ZNF420: variants seen among roughly 807,000 people sequenced by gnomAD.
ZNF420 encodes the protein ATM and p53-associated KZNF protein.
ZNF420 carries 31 observed loss-of-function variants against 44.7 expected under a neutral mutation model. The observed-to-expected ratio is 0.69, with a 90% confidence interval of 0.52 to 0.94. ZNF420 has a LOEUF of 0.94. Among genes scored for constraint, ZNF420 ranks in the 40% least tolerant of loss-of-function variants. ZNF420 has a pLI of 0.00. For missense variants in ZNF420, 681 were observed against 827.9 expected, an observed-to-expected ratio of 0.82 and a Z score of 2.18; for synonymous variants, 245 against 267.4, an observed-to-expected ratio of 0.92 and a Z score of 0.82.
chr19:37,074,741 TATA>T (rs1332517190), upstream of ZNF420, among the ~76,000 whole-genome samples: 2 of 152,160 alleles, frequency 1.3e-5, no homozygotes, highest in Non-Finnish European at 2.9e-5. Flanking sequence ...TGGTGAAATA[TATA>T]ATATCTGCAG....
At chr19:37,058,355 G>C (rs1047788935) in intron 1 of ZNF420, among the ~76,000 whole-genome samples, 1 of 152,078 alleles carries the variant, frequency 6.6e-6, no homozygotes, top group African/African-American at 2.4e-5. Flanking sequence ...TGGCCTTGGC[G>C]TCTAGGAAAG....
chr19:37,036,869 A>G (rs1967364529), intron 1 of ZNF420, among the ~76,000 whole-genome samples: 1 of 152,246 alleles, frequency 6.6e-6, no homozygotes, highest in Non-Finnish European at 1.5e-5. Flanking sequence ...AATATGTTCT[A>G]TTCATCTACT....
At chr19:37,024,655 G>A (rs1266689321) in intron 1 of ZNF420, among the ~76,000 whole-genome samples, 1 of 152,056 alleles carries the variant, frequency 6.6e-6, no homozygotes, top group East Asian at 1.9e-4. Flanking sequence ...TCACTATGTT[G>A]GCTAGGCTGG....
chr19:37,043,716 G>A (rs1293416087), intron 1 of ZNF420, among the ~76,000 whole-genome samples: 1 of 152,052 alleles, frequency 6.6e-6, no homozygotes, highest in Non-Finnish European at 1.5e-5. Flanking sequence ...CAGGTGATCC[G>A]CTGGCCTCAA....
Position 37,119,167 on chromosome 19 carries a change from A to AT in ZNF420, c.137-7953dup, listed in dbSNP as rs534716695. Among the ~76,000 whole-genome samples the AT allele has an allele frequency of 3.6e-3, 537 of 151,094 alleles. 4 individuals carry two copies. Among genetic ancestry groups the AT allele is most frequent in the Middle Eastern group, 0.02 (6 of 294 alleles). On this transcript the variant is annotated intron_variant, in intron 4 of 4. Transcript: ENST00000337995. ...TCCACCCCAAATCAACAGAATATAC[A>AT]TTTTTTTTCAGCACCACACCACACC... is the stretch of plus-strand genomic sequence containing the variant.
chr19:37,058,692 T>C (rs1259512316), intron 1 of ZNF420, among the ~76,000 whole-genome samples: 1 of 151,528 alleles, frequency 6.6e-6, no homozygotes, highest in East Asian at 1.9e-4. Context: ...GTCATCTGTG[T>C]CCCCCCGCAT....
At chr19:37,106,498 G>A (rs1970092822) in intron 4 of ZNF420, among the ~76,000 whole-genome samples, 1 of 152,082 alleles carries the variant, frequency 6.6e-6, no homozygotes, top group African/African-American at 2.4e-5. Flanking sequence ...CTATTATTGT[G>A]AAGATTACCA....
chr19:37,123,569 C>G lies in ZNF420; in HGVS notation c.137-3559C>G, dbSNP rs1020398602. On this transcript the variant is annotated intron_variant, in intron 4 of 4. Transcript: ENST00000337995. ...CTGGCTCTCAGCTCTCACTTCATTG[C>G]TTGACTTCTTTATTTTCTTTTACTC... Among the ~76,000 whole-genome samples the G allele has an allele frequency of 2.3e-4, 32 of 141,924 alleles. No individual in the cohort carries two copies. In the Middle Eastern group the frequency reaches 0.014, roughly 64 times the overall value. The allele number at this position is 141,924 out of a possible 152,430, so 93.1% of individuals were successfully genotyped here. A position where few individuals can be genotyped will look rare whatever the true frequency, so the allele number is the denominator to read the frequency against.
At chr19:37,036,305 C>T (rs1967353722) in intron 1 of ZNF420, among the ~76,000 whole-genome samples, 1 of 152,154 alleles carries the variant, frequency 6.6e-6, no homozygotes, top group South Asian at 2.1e-4. Flanking sequence ...CTGATTTGAT[C>T]ACTACATATT....
rs1971462137 is a variant in ZNF420 at position 37,128,159 on chromosome 19, C to T, written c.1168C>T (p.Pro390Ser). The change falls in exon 5 of 5, where the codon CCC (proline) becomes TCC (serine). Residue 390 changes from proline to serine, a missense_variant. Around this residue, in one of 3 missense-constraint regions of ZNF420, gnomAD observed 51 missense variants for 106.8 expected, o/e 0.48. Transcript: ENST00000337995. ...QHQRIHTNEK[P>S]YECKECGKMF... ...CCAGAGAATTCACACCAATGAAAAG[C>T]CCTATGAATGTAAGGAATGTGGAAA... 6.2e-7 allele frequency: 1 copy of T among 1,613,904 alleles called. No homozygotes were observed. Among genetic ancestry groups the T allele is most frequent in the African/African-American group, 1.3e-5 (1 of 74,860 alleles).
chr19:37,011,425 T>C (rs1016949215), intron 1 of ZNF420, among the ~76,000 whole-genome samples: 4 of 152,182 alleles, frequency 2.6e-5, no homozygotes, highest in African/African-American at 9.7e-5. Flanking sequence ...CATCCTCTTC[T>C]GAGCTCCTGG....
chr19:37,112,147 T>C (rs1970414533), intron 4 of ZNF420, among the ~76,000 whole-genome samples: 1 of 152,092 alleles, frequency 6.6e-6, no homozygotes, highest in Admixed American at 6.5e-5. Flanking sequence ...GGATCTACAG[T>C]GGCCGCCCCT....
intron 2 of ZNF420, among the ~76,000 whole-genome samples, chr19:37,086,650 A>G (rs1211806911): frequency 6.6e-6 from 1 of 152,058 alleles, no homozygotes; most frequent in African/African-American, 2.4e-5. Context: ...TGCTTCACAC[A>G]TTTTGAAGCT....
intron 1 of ZNF420, among the ~76,000 whole-genome samples, chr19:37,068,641 AAAATAAAT>A (rs574606007): frequency 3.9e-5 from 6 of 152,192 alleles, no homozygotes; most frequent in African/African-American, 7.2e-5. Flanking sequence ...ACTCTGTCTC[AAAATAAAT>A]AAATAAATAA....
At chr19:37,027,438 A>C (rs1967178534) in intron 1 of ZNF420, among the ~76,000 whole-genome samples, 1 of 152,182 alleles carries the variant, frequency 6.6e-6, no homozygotes, top group Non-Finnish European at 1.5e-5. Context: ...TATTAAGTTC[A>C]TGGCTTATAT....
At chr19:37,108,904 A>G (rs1033387309) in intron 4 of ZNF420, among the ~76,000 whole-genome samples, 8 of 152,140 alleles carry the variant, frequency 5.3e-5, no homozygotes, top group African/African-American at 9.7e-5. Flanking sequence ...TCACCACACT[A>G]TTGGCCACAC....
At chr19:37,024,087 G>A (rs2074668174) in intron 1 of ZNF420, among the ~76,000 whole-genome samples, 1 of 152,020 alleles carries the variant, frequency 6.6e-6, no homozygotes, top group African/African-American at 2.4e-5. Context: ...CTACTTGGAG[G>A]CTTCATCTGC....
intron 1 of ZNF420, among the ~76,000 whole-genome samples, chr19:37,063,349 C>A (rs2146443725): frequency 6.6e-6 from 1 of 152,292 alleles, no homozygotes; most frequent in East Asian, 1.9e-4. Flanking sequence ...GGCTAGTGAG[C>A]TTTATCTCTC....
At chr19:37,041,631 T>A (rs1040712474) in intron 1 of ZNF420, among the ~76,000 whole-genome samples, 18 of 152,172 alleles carry the variant, frequency 1.2e-4, no homozygotes, top group Non-Finnish European at 4.4e-5. Flanking sequence ...ATATCTGTAA[T>A]AAATCCTTGA....
Sources: allele counts gnomAD v4.1 joint callset (sites outside exome capture counted in the v4.1 genomes callset), GRCh38; gene constraint gnomAD v4.1.1; regional missense constraint gnomAD v4.1.1; transcripts MANE v1.5; gene names NCBI Gene and HGNC (gene_info 2026-07-23, HGNC 2026-07-21).